DHX29: variants seen among roughly 807,000 people sequenced by gnomAD.
The protein encoded by DHX29 is DExH-box helicase 29.
DHX29 carries 79 observed loss-of-function variants against 167.9 expected under a neutral mutation model. The ratio of observed to expected loss-of-function variants is 0.47; its 90% CI spans 0.39 to 0.57. The LOEUF (loss-of-function observed/expected upper bound fraction) is 0.57, where lower values mean the gene tolerates loss of function less well. Ranked by LOEUF, DHX29 falls within the 20% of genes least tolerant of loss-of-function variation. The pLI is 0.00. For synonymous variants in DHX29, 530 were observed against 546.0 expected (o/e 0.97, Z 0.41); for missense variants, 1,347 against 1,593.4 (o/e 0.85, Z 2.63).
At chr5:55,264,953 A>C (rs778038230) in intron 23 of DHX29, among the ~76,000 whole-genome samples, 16 of 152,210 alleles carry the variant, frequency 1.1e-4, no homozygotes, top group Non-Finnish European at 1.9e-4. Context: ...TAATGAAACA[A>C]TAGGTCCGAG....
chr5:55,266,146 C>T (rs1746555519), intron 23 of DHX29, among the ~76,000 whole-genome samples: 1 of 150,860 alleles, frequency 6.6e-6, no homozygotes. Flanking sequence ...TTACAGGTGC[C>T]CGCCATCACA....
intron 14 of DHX29, among the ~76,000 whole-genome samples, chr5:55,275,756 T>C (rs1747076058): frequency 6.6e-6 from 1 of 151,960 alleles, no homozygotes; most frequent in African/African-American, 2.4e-5. Context: ...TATGTATGTA[T>C]GTATGTATGT....
chr5:55,276,238 GAT>G, intron 14 of DHX29, 26 bp downstream of exon 14: 1 of 1,539,434 alleles, frequency 6.5e-7, no homozygotes, highest in Non-Finnish European at 8.7e-7. Context: ...ATCATTATCT[GAT>G]ATCTTTCAAA....
intron 1 of DHX29, among the ~76,000 whole-genome samples, chr5:55,303,457 G>C (rs1015668756): frequency 6.6e-6 from 1 of 152,130 alleles, no homozygotes; most frequent in Non-Finnish European, 1.5e-5. Context: ...AATAGATGAG[G>C]GTGAATTGAT....
At chr5:55,270,087 T>C (rs1027540115) in intron 20 of DHX29, among the ~76,000 whole-genome samples, 1 of 152,044 alleles carries the variant, frequency 6.6e-6, no homozygotes, top group Non-Finnish European at 1.5e-5. Flanking sequence ...CTCTACCTAC[T>C]AGATACCATT....
At chr5:55,283,089 G>C in intron 11 of DHX29, 114 bp downstream of exon 11, 2 of 1,185,880 alleles carry the variant, frequency 1.7e-6, no homozygotes, top group South Asian at 1.8e-5. Flanking sequence ...ATGTGCTACT[G>C]ATCAACCAAT....
chr5:55,290,962 C>T (rs1352026259), intron 6 of DHX29, among the ~76,000 whole-genome samples: 1 of 152,146 alleles, frequency 6.6e-6, no homozygotes, highest in African/African-American at 2.4e-5. Flanking sequence ...CTGCAGTGAG[C>T]TGAGATCGTA....
chr5:55,289,558 A>T (rs925439989), intron 7 of DHX29, 130 bp from the exon 8 acceptor site: 19 of 657,632 alleles, frequency 2.9e-5, no homozygotes, highest in South Asian at 8.3e-5. Context: ...TAAAATGATT[A>T]AAAAAAACTG....
chr5:55,307,540 C>T lies in DHX29; in HGVS notation c.34G>A (p.Ala12Thr). The change falls in exon 1 of 27, where the codon GCG (alanine) becomes ACG (threonine). Residue 12 changes from alanine to threonine, a missense_variant. Physicochemically the swap from Ala to Thr is moderately conservative, Grantham distance 58. Transcript: ENST00000251636. ...ACGGCGGCCCGGACCACCGCGGCCG[C>T]TGGAGCCTTGTGTTTCTTGTTCTTG... ...GGKNKKHKAP[A>T]AAVVRAAVSA... The T allele has an allele frequency of 1.2e-6, 2 of 1,613,596 alleles. No homozygotes were observed. The highest frequency in any genetic ancestry group is 1.7e-6 in the Non-Finnish European group (2 of 1,179,960).
chr5:55,266,047 T>G (rs1187557650), intron 23 of DHX29, among the ~76,000 whole-genome samples: 1 of 152,130 alleles, frequency 6.6e-6, no homozygotes, highest in Non-Finnish European at 1.5e-5. Context: ...TCACCCAGAT[T>G]GGAGTGCAGT....
At position 55,267,795 on chromosome 5, in the gene DHX29, T is replaced by C; in HGVS notation, c.3322A>G (p.Lys1108Glu). 1 of 1,602,132 alleles carries C rather than the reference T, an allele frequency of 6.2e-7. No individual in the cohort carries two copies. The change falls in exon 22 of 27, where the codon AAG (lysine) becomes GAG (glutamate). Residue 1108 changes from lysine (K) to glutamate (E), a missense_variant. Lys to Glu is a moderately conservative substitution (Grantham distance 56). This residue lies in a region of DHX29 where 882 missense variants were observed against 1,082.4 expected (regional missense o/e 0.81). Transcript: ENST00000251636. ...CCAATTGGTGTGGTAAAAGGAGACT[T>C]CTCTGTCATAACTGCAGCTAGTGTT... ...VATLAAVMTE[K>E]SPFTTPIGRK...
chr5:55,267,641 C>A (rs772960911), intron 22 of DHX29, 45 bp downstream of exon 22: 6 of 1,535,002 alleles, frequency 3.9e-6, no homozygotes, highest in Non-Finnish European at 4.4e-6. Flanking sequence ...AAGTAAATAA[C>A]CTCAGGTAAT....
intron 16 of DHX29, 111 bp downstream of exon 16, chr5:55,274,503 T>G: frequency 1.3e-6 from 1 of 754,658 alleles, no homozygotes; most frequent in South Asian, 2.2e-5. Flanking sequence ...TCCCCATAGG[T>G]AATTTTAACC....
intron 23 of DHX29, among the ~76,000 whole-genome samples, chr5:55,264,958 T>A (rs1414706170): frequency 6.6e-6 from 1 of 152,078 alleles, no homozygotes; most frequent in African/African-American, 2.4e-5. Flanking sequence ...AAACAATAGG[T>A]CCGAGTGTTA....
chr5:55,303,514 C>T (rs1748708286), intron 1 of DHX29, among the ~76,000 whole-genome samples: 1 of 152,190 alleles, frequency 6.6e-6, no homozygotes, highest in African/African-American at 2.4e-5. Context: ...ACTGCCAGGG[C>T]CGCCTGACTA....
Position 55,262,710 on chromosome 5 carries a change from C to T in DHX29, c.3748G>A (p.Ala1250Thr). Reference protein sequence around the residue: ...TEKLACIVETAQGKAQVHPSS... With the variant: ...TEKLACIVETTQGKAQVHPSS... ...GGGTGTACTTGTGCTTTGCCTTGGGCCGTCTCCACAATGCAAGCCAATTTT... is the reference window on the plus strand; with the variant it reads ...GGGTGTACTTGTGCTTTGCCTTGGGTCGTCTCCACAATGCAAGCCAATTTT... The change falls in exon 24 of 27, where the codon GCC becomes ACC. Residue 1250 changes from alanine (A) to threonine (T), a missense_variant. Physicochemically the swap from Ala to Thr is moderately conservative, Grantham distance 58. Coordinates refer to ENST00000251636, the MANE Select transcript of DHX29 (RefSeq NM_019030.4). 6.2e-7 allele frequency: 1 copy of T among 1,614,064 alleles called. No individual in the cohort carries two copies. Among genetic ancestry groups the T allele is most frequent in the South Asian group, 1.1e-5 (1 of 91,078 alleles).
chr5:55,256,522 A>G lies in DHX29; in HGVS notation c.4076T>C (p.Ile1359Thr). The G allele has an allele frequency of 6.3e-7, 1 of 1,593,962 alleles. No individual in the cohort carries two copies. Among genetic ancestry groups the G allele is most frequent in the African/African-American group, 1.4e-5 (1 of 73,748 alleles). The change falls in exon 27 of 27, where the codon ATC becomes ACC. Residue 1359 changes from isoleucine (I) to threonine (T), a missense_variant. Around this residue, in one of 3 missense-constraint regions of DHX29, gnomAD observed 882 missense variants for 1,082.4 expected, o/e 0.81. Transcript: ENST00000251636. Reference protein sequence around the residue: ...MSLENDKILQIITELIKTENN With the variant: ...MSLENDKILQTITELIKTENN ...CTCTGTTTTTATCAATTCCGTAATGATCTGCAGAATCTTGTCATCTGAGTG... is the reference window on the plus strand; with the variant it reads ...CTCTGTTTTTATCAATTCCGTAATGGTCTGCAGAATCTTGTCATCTGAGTG...
intron 2 of DHX29, among the ~76,000 whole-genome samples, 168 bp downstream of exon 2, chr5:55,298,422 CT>C (rs1686324229): frequency 6.6e-6 from 1 of 152,158 alleles, no homozygotes; most frequent in South Asian, 2.1e-4. Context: ...CTTACTGTCT[CT>C]CAACATATGT....
At chr5:55,262,978 G>C (rs375941042) in intron 23 of DHX29, 46 bp from the exon 24 acceptor site, 5 of 1,402,380 alleles carry the variant, frequency 3.6e-6, no homozygotes, top group Non-Finnish European at 4.9e-6. Flanking sequence ...ATTGATTAGA[G>C]GAATTTCCAA....
Sources: allele counts gnomAD v4.1 joint callset (sites outside exome capture counted in the v4.1 genomes callset), GRCh38; gene constraint gnomAD v4.1.1; regional missense constraint gnomAD v4.1.1; transcripts MANE v1.5; gene names NCBI Gene and HGNC (gene_info 2026-07-23, HGNC 2026-07-21).